PTPN1: variants seen among roughly 807,000 people sequenced by gnomAD.
PTPN1 encodes the protein tyrosine-protein phosphatase non-receptor type 1.
In PTPN1, 12 loss-of-function variants were observed where a neutral mutation model predicts 59.9. The ratio of observed to expected loss-of-function variants is 0.20; its 90% CI spans 0.13 to 0.32. The LOEUF is 0.32. PTPN1 is among the 10% of genes least tolerant of loss of function. The pLI is 1.00. For missense variants in PTPN1, 356 were observed against 549.2 expected, an observed-to-expected ratio of 0.65 and a Z score of 3.52; for synonymous variants, 178 against 203.6, an observed-to-expected ratio of 0.87 and a Z score of 1.07.
intron 1 of PTPN1, among the ~76,000 whole-genome samples, chr20:50,511,746 TTAAC>T (rs1485379125): frequency 5.9e-5 from 9 of 152,234 alleles, no homozygotes; most frequent in African/African-American, 2.2e-4. Flanking sequence ...GTTGTTAAGA[TTAAC>T]TAAAACCACA....
intron 1 of PTPN1, among the ~76,000 whole-genome samples, chr20:50,543,771 T>G (rs1466428435): frequency 6.6e-6 from 1 of 152,250 alleles, no homozygotes; most frequent in Non-Finnish European, 1.5e-5. Flanking sequence ...GAAGAAGACT[T>G]TCTACTTTTA....
At chr20:50,547,927 A>T (rs540276437) in intron 1 of PTPN1, among the ~76,000 whole-genome samples, 1 of 152,212 alleles carries the variant, frequency 6.6e-6, no homozygotes, top group Non-Finnish European at 1.5e-5. Context: ...AGAGTTTCTT[A>T]TCTTAAATGG....
At chr20:50,545,898 C>T (rs866946332) in intron 1 of PTPN1, among the ~76,000 whole-genome samples, 4 of 148,174 alleles carry the variant, frequency 2.7e-5, no homozygotes, top group Non-Finnish European at 5.9e-5. Context: ...CATGGTGGAA[C>T]GTAGTGCGTG....
intron 1 of PTPN1, among the ~76,000 whole-genome samples, chr20:50,536,845 A>T (rs1473414724): frequency 6.6e-6 from 1 of 152,198 alleles, no homozygotes; most frequent in Non-Finnish European, 1.5e-5. Flanking sequence ...TTGTTAAGAA[A>T]TACTTACTTT....
At chr20:50,558,063 C>T (rs1384350216) in intron 1 of PTPN1, 1 of 152,216 alleles carries the variant, frequency 6.6e-6, no homozygotes, top group Non-Finnish European at 1.5e-5. Context: ...TCAAACTTCT[C>T]AGCTCAAGTG....
intron 1 of PTPN1, among the ~76,000 whole-genome samples, chr20:50,533,188 G>T (rs1359464144): frequency 1.3e-5 from 2 of 152,050 alleles, no homozygotes; most frequent in Non-Finnish European, 2.9e-5. Context: ...TACTAATTTT[G>T]CTATGAGAGG....
intron 4 of PTPN1, chr20:50,571,873 T>A (rs1425591292): frequency 6.6e-6 from 1 of 152,222 alleles, no homozygotes; most frequent in Non-Finnish European, 1.5e-5. Flanking sequence ...CGTATCTCCC[T>A]CCTGAAATCC....
chr20:50,581,215 A>G (rs1333913388), intron 8 of PTPN1, 50 bp from the exon 9 acceptor site: 1 of 1,535,810 alleles, frequency 6.5e-7, no homozygotes, highest in African/African-American at 1.4e-5. Context: ...CATCCTTGCC[A>G]TTCATTTTCT....
chr20:50,584,506 G>A lies in PTPN1; in HGVS notation c.*1791G>A, dbSNP rs928100162. 1 of 152,336 alleles carries A rather than the reference G, an allele frequency of 6.6e-6. No homozygotes were observed. The highest frequency in any genetic ancestry group is 2.4e-5 in the African/African-American group (1 of 41,300). 9.4% of individuals were successfully genotyped at this position (152,336 alleles called of 1,614,324 possible). On this transcript the variant is annotated 3_prime_UTR_variant, in exon 10 of 10. Transcript: ENST00000371621. ...CCTTAAGCCAATATTTACTCATCAGGTCATTATTTTTTACAATGGCCATGG... is the reference window on the plus strand; with the variant it reads ...CCTTAAGCCAATATTTACTCATCAGATCATTATTTTTTACAATGGCCATGG...
At chr20:50,538,853 C>T (rs1282242915) in intron 1 of PTPN1, among the ~76,000 whole-genome samples, 1 of 152,050 alleles carries the variant, frequency 6.6e-6, no homozygotes, top group Non-Finnish European at 1.5e-5. Context: ...TTGAAGTATT[C>T]CTAGCTGCTA....
intron 4 of PTPN1, chr20:50,573,079 C>T (rs957035472): frequency 2.0e-5 from 3 of 152,268 alleles, no homozygotes; most frequent in African/African-American, 7.2e-5. Context: ...ATTTGTTTCT[C>T]CCACATTTTG....
chr20:50,574,818 A>G, intron 5 of PTPN1, 164 bp downstream of exon 5: 1 of 812,028 alleles, frequency 1.2e-6, no homozygotes, highest in Non-Finnish European at 1.9e-6. Flanking sequence ...TTGTGTACCT[A>G]CCAAGTGCCC....
chr20:50,567,241 A>C (rs747178443), intron 3 of PTPN1, among the ~76,000 whole-genome samples: 1 of 152,214 alleles, frequency 6.6e-6, no homozygotes, highest in Non-Finnish European at 1.5e-5. Flanking sequence ...AGCCTGGCCA[A>C]CATGGTGAAA....
At chr20:50,557,504 C>T (rs980786156) in intron 1 of PTPN1, among the ~76,000 whole-genome samples, 3 of 152,152 alleles carry the variant, frequency 2.0e-5, no homozygotes, top group African/African-American at 7.2e-5. Flanking sequence ...TCTGCTTCAC[C>T]GCCCCCATTT....
intron 1 of PTPN1, among the ~76,000 whole-genome samples, chr20:50,546,074 T>G (rs1331804722): frequency 1.3e-5 from 2 of 151,952 alleles, no homozygotes; most frequent in Non-Finnish European, 2.9e-5. Context: ...AAAAAGTGAT[T>G]AGATCCCTTG....
intron 1 of PTPN1, among the ~76,000 whole-genome samples, chr20:50,525,845 G>A (rs6012957): frequency 0.025 from 3,792 of 152,138 alleles, 58 homozygotes; most frequent in East Asian, 0.051. Flanking sequence ...GATATATGGG[G>A]TAAAAGAACC....
chr20:50,539,644 C>CTTTTTTTTTTT (rs5841806), intron 1 of PTPN1, among the ~76,000 whole-genome samples: 3 of 90,542 alleles, frequency 3.3e-5, no homozygotes, highest in African/African-American at 4.6e-5. Flanking sequence ...CTCTTTCTCT[C>CTTTTTTTTTTT]TTTTTTTTTT....
At chr20:50,535,879 C>A (rs565090721) in intron 1 of PTPN1, among the ~76,000 whole-genome samples, 2 of 152,098 alleles carry the variant, frequency 1.3e-5, no homozygotes, top group South Asian at 4.2e-4. Context: ...CGTCCCCCAC[C>A]CCCAAATAGA....
chr20:50,517,642 G>A (rs1157299282), intron 1 of PTPN1, among the ~76,000 whole-genome samples: 1 of 152,170 alleles, frequency 6.6e-6, no homozygotes, highest in Non-Finnish European at 1.5e-5. Flanking sequence ...AAGGTTTTAT[G>A]GATACCCTAT....
Sources: allele counts gnomAD v4.1 joint callset (sites outside exome capture counted in the v4.1 genomes callset), GRCh38; gene constraint gnomAD v4.1.1; transcripts MANE v1.5; gene names NCBI Gene and HGNC (gene_info 2026-07-23, HGNC 2026-07-21).